The following STAG2 variants were observed in gnomAD, a reference collection of about 807,000 sequenced individuals.
STAG2 encodes the protein STAG2 cohesin complex component.
In STAG2, 14 loss-of-function variants were observed where a neutral mutation model predicts 108.1. That is an observed-to-expected ratio of 0.13 (90% CI 0.09 to 0.20). STAG2 has a LOEUF of 0.20. Ranked by LOEUF, STAG2 falls within the 10% of genes least tolerant of loss-of-function variation. STAG2 has a pLI of 1.00. For missense variants in STAG2, 440 were observed against 940.9 expected (o/e 0.47, Z 6.96); for synonymous variants, 307 against 302.7 (o/e 1.01, Z -0.15).
intron 20 of STAG2, among the ~76,000 whole-genome samples, chrX:124,065,588 A>G (rs187270420): frequency 1.8e-5 from 2 of 111,519 alleles, no homozygotes; most frequent in Admixed American, 1.9e-4. Flanking sequence ...TGCATTTATT[A>G]CTGTGAAAAA....
rs1385660142 is a variant in STAG2 at position 124,101,747 on chromosome X, A to G, written c.*1150A>G. On this transcript the variant is annotated 3_prime_UTR_variant, in exon 35 of 35. Coordinates refer to ENST00000371145, the MANE Select transcript of STAG2 (RefSeq NM_001042750.2). ...TTACAGTACATTTCCTCTGTATGTAAATTAGATGGGATAATAGAATTCATA... is the reference window on the plus strand; with the variant it reads ...TTACAGTACATTTCCTCTGTATGTAGATTAGATGGGATAATAGAATTCATA... The G allele has an allele frequency of 6.2e-6, 1 of 161,227 alleles. No individual in the cohort carries two copies. Among genetic ancestry groups the G allele is most frequent in the Non-Finnish European group, 1.2e-5 (1 of 83,269 alleles). The allele number at this position is 161,227 out of a possible 1,213,427, so 13.3% of individuals were successfully genotyped here.
At chrX:124,006,025 A>T (rs1035127809) in intron 1 of STAG2, among the ~76,000 whole-genome samples, 1 of 110,809 alleles carries the variant, frequency 9.0e-6, no homozygotes, top group African/African-American at 3.3e-5. Flanking sequence ...TTTTTTTATT[A>T]GAGTACCACT....
chrX:124,013,578 G>A (rs976510734), intron 1 of STAG2, among the ~76,000 whole-genome samples: 1 of 111,592 alleles, frequency 9.0e-6, no homozygotes, highest in African/African-American at 3.3e-5. Context: ...GGCTGACTGG[G>A]GAAAATAGTA....
At chrX:123,965,950 G>A (rs886742772) in intron 1 of STAG2, among the ~76,000 whole-genome samples, 1 of 110,296 alleles carries the variant, frequency 9.1e-6, no homozygotes, top group African/African-American at 3.3e-5. Flanking sequence ...AGTAAGCCAC[G>A]ATTGCGCCAC....
Position 124,100,872 on chromosome X carries a change from A to G in STAG2, c.*275A>G. The stretch of plus-strand genomic sequence containing the variant: ...AGTTGGCTTTTGAATCGATTATTTC[A>G]TGCTTTTTTTTAAAAAAAAAAAAAA... On this transcript the variant is annotated 3_prime_UTR_variant, in exon 35 of 35. Transcript: ENST00000371145. 1 of 214,669 alleles carries G rather than the reference A, an allele frequency of 4.7e-6. No individual in the cohort carries two copies. The highest frequency in any genetic ancestry group is 3.0e-5 in the African/African-American group (1 of 33,521). 17.7% of individuals were successfully genotyped at this position (214,669 alleles called of 1,213,427 possible). A position where few individuals can be genotyped will look rare whatever the true frequency, so the allele number is the denominator to read the frequency against.
At chrX:124,095,318 C>T in intron 33 of STAG2, 54 bp from the exon 34 acceptor site, 1 of 970,847 alleles carries the variant, frequency 1.0e-6, no homozygotes, top group Non-Finnish European at 1.5e-6. Flanking sequence ...CAGTTACTAT[C>T]TGGTTTGTAG....
intron 1 of STAG2, among the ~76,000 whole-genome samples, chrX:123,979,806 A>G (rs1162377801): frequency 9.0e-6 from 1 of 111,702 alleles, no homozygotes; most frequent in Admixed American, 9.6e-5. Flanking sequence ...TGTATTTGTG[A>G]TGATCACAGC....
intron 1 of STAG2, among the ~76,000 whole-genome samples, chrX:123,965,808 G>C (rs997088451): frequency 9.1e-6 from 1 of 109,907 alleles, no homozygotes; most frequent in African/African-American, 3.3e-5. Flanking sequence ...TTCAAGACCA[G>C]CCTGGGCAAC....
At chrX:124,093,765 A>G in intron 32 of STAG2, 2 of 294,015 alleles carry the variant, frequency 6.8e-6, no homozygotes, top group Non-Finnish European at 1.2e-5. Context: ...TGAACCTTGT[A>G]TATGGGATAT....
At chrX:124,043,643 C>A (rs1267316264) in intron 7 of STAG2, among the ~76,000 whole-genome samples, 5 of 111,169 alleles carry the variant, frequency 4.5e-5, no homozygotes, top group Admixed American at 9.6e-5. Flanking sequence ...AAGAACATAT[C>A]CTGGAATGTT....
chrX:123,989,330 A>T (rs2055336735), intron 1 of STAG2, among the ~76,000 whole-genome samples: 1 of 111,685 alleles, frequency 9.0e-6, no homozygotes, highest in South Asian at 3.7e-4. Flanking sequence ...ACCACTGCTG[A>T]TAGTTTTTTG....
chrX:124,099,794 A>G (rs1384282973), intron 34 of STAG2, among the ~76,000 whole-genome samples: 1 of 111,769 alleles, frequency 8.9e-6, no homozygotes, highest in Non-Finnish European at 1.9e-5. Context: ...CTTAATGGGC[A>G]TAAGTGCTAG....
intron 13 of STAG2, among the ~76,000 whole-genome samples, chrX:124,051,711 C>G (rs1016806314): frequency 9.1e-6 from 1 of 110,424 alleles, no homozygotes; most frequent in Non-Finnish European, 1.9e-5. Context: ...CTGCCTCAGC[C>G]TCCCGAGTAG....
Position 123,991,439 on chromosome X carries a change from G to A in STAG2, c.-163+29583G>A, listed in dbSNP as rs543656971. 5.5e-5 allele frequency among the ~76,000 whole-genome samples: 6 copies of A among 109,503 alleles called. No individual in the cohort carries two copies. The South Asian group carries it at 1.2e-3, about 21-fold the overall frequency. On this transcript the variant is annotated intron_variant, in intron 1 of 34. Coordinates refer to ENST00000371145, the MANE Select transcript of STAG2 (RefSeq NM_001042750.2). ...ATGATCTCAGCTCACTGCAACCTCC[G>A]CCTCCCGGGTTCAAATGATTCTCCT...
At chrX:124,009,443 G>GTAGGTAGA (rs1556479689) in intron 1 of STAG2, among the ~76,000 whole-genome samples, 27 of 63,601 alleles carry the variant, frequency 4.2e-4, no homozygotes, top group African/African-American at 1.6e-3. Flanking sequence ...AGGTAGGTAG[G>GTAGGTAGA]TAGATAGATA....
intron 32 of STAG2, among the ~76,000 whole-genome samples, chrX:124,091,944 C>T (rs986298744): frequency 2.7e-5 from 3 of 112,212 alleles, no homozygotes; most frequent in African/African-American, 9.7e-5. Flanking sequence ...ACATGGCAGA[C>T]AAGCAGTCTT....
At chrX:124,074,031 A>G (rs2058739128) in intron 25 of STAG2, among the ~76,000 whole-genome samples, 1 of 112,306 alleles carries the variant, frequency 8.9e-6, no homozygotes, top group Admixed American at 9.5e-5. Flanking sequence ...TATTCTTGCT[A>G]ACTTCCATGT....
At chrX:123,982,914 C>T (rs1021699461) in intron 1 of STAG2, among the ~76,000 whole-genome samples, 4 of 110,523 alleles carry the variant, frequency 3.6e-5, no homozygotes, top group Non-Finnish European at 3.8e-5. Context: ...GTTGGAATCA[C>T]GCTGTCAGTC....
chrX:123,996,840 A>T (rs1311751069), intron 1 of STAG2, among the ~76,000 whole-genome samples: 1 of 112,607 alleles, frequency 8.9e-6, no homozygotes, highest in Non-Finnish European at 1.9e-5. Context: ...GGTGACTACA[A>T]ATAAAGCTGC....
Sources: gnomAD v4.1 joint callset for allele counts (sites outside exome capture counted in the v4.1 genomes callset) on GRCh38, gnomAD v4.1.1 for gene constraint, MANE v1.5 for transcripts, NCBI Gene and HGNC (gene_info 2026-07-23, HGNC 2026-07-21) for gene names.